NCOR1: variants seen among roughly 807,000 people sequenced by gnomAD.
The protein encoded by NCOR1 is nuclear receptor corepressor 1.
Under a neutral mutation model 288.1 loss-of-function variants are expected in NCOR1, and 63 were observed. That is an observed-to-expected ratio of 0.22 (90% confidence interval 0.18 to 0.27). The LOEUF (loss-of-function observed/expected upper bound fraction) is 0.27. Among genes scored for constraint, NCOR1 ranks in the 10% least tolerant of loss-of-function variants. The probability of loss-of-function intolerance (pLI) is 1.00; values close to 1 mark genes in which losing one functional copy is unlikely to be tolerated. For missense variants in NCOR1, 2,397 were observed against 3,019.2 expected, an observed-to-expected ratio of 0.79 and a Z score of 4.83; for synonymous variants, 1,007 against 1,065.9, an observed-to-expected ratio of 0.94 and a Z score of 1.08.
chr17:16,177,671 C>T (rs1032474880), intron 3 of NCOR1, among the ~76,000 whole-genome samples: 1 of 152,142 alleles, frequency 6.6e-6, no homozygotes, highest in South Asian at 2.1e-4. Context: ...GACTCTGGCC[C>T]CCTCTACCAG....
At chr17:16,126,319 A>G in intron 14 of NCOR1, 113 bp from the exon 15 acceptor site, 1 of 1,076,594 alleles carries the variant, frequency 9.3e-7, no homozygotes, top group Admixed American at 2.8e-5. Context: ...AGTCATTTAC[A>G]ATGTAACTGG....
intron 42 of NCOR1, among the ~76,000 whole-genome samples, chr17:16,043,067 G>A (rs1484629944): frequency 6.6e-6 from 1 of 152,110 alleles, no homozygotes; most frequent in Non-Finnish European, 1.5e-5. Context: ...AGACAGAAGT[G>A]GCCAGAGAAG....
intron 1 of NCOR1, 119 bp from the exon 2 acceptor site, chr17:16,194,758 A>G (rs547708980): frequency 2.9e-4 from 113 of 396,128 alleles, no homozygotes; most frequent in African/African-American, 2.0e-3. Context: ...GCTTCCTCTC[A>G]TGTATTTACT....
chr17:16,142,080 G>A (rs1458134521), intron 11 of NCOR1, among the ~76,000 whole-genome samples: 1 of 152,124 alleles, frequency 6.6e-6, no homozygotes, highest in Non-Finnish European at 1.5e-5. Flanking sequence ...AACCAAAGAT[G>A]TAGTTAGTCC....
At chr17:16,160,760 C>A (rs1309865939) in intron 5 of NCOR1, among the ~76,000 whole-genome samples, 1 of 152,074 alleles carries the variant, frequency 6.6e-6, no homozygotes, top group Non-Finnish European at 1.5e-5. Flanking sequence ...CCATTGCACT[C>A]CAGCCTGGGC....
chr17:16,091,887 T>C lies in NCOR1; in HGVS notation c.2992A>G (p.Lys998Glu), dbSNP rs1423056715. 6.2e-7 allele frequency: 1 copy of C among 1,614,192 alleles called. No individual in the cohort carries two copies. Among genetic ancestry groups the C allele is most frequent in the Non-Finnish European group, 8.5e-7 (1 of 1,180,032 alleles). ...RSSTSPCGTS[K>E]SPNREWEVLQ... ...CCTTCCCACTCTCTGTTTGGACTCTTGGATGTGCCACATGGACTTGTAGAA... is the reference window on the plus strand; with the variant it reads ...CCTTCCCACTCTCTGTTTGGACTCTCGGATGTGCCACATGGACTTGTAGAA... Residue 998 changes from lysine (K) to glutamate (E), a missense_variant, in exon 22 of 46, where the codon AAG becomes GAG. Physicochemically the swap from Lys to Glu is moderately conservative, Grantham distance 56. Coordinates refer to ENST00000268712, the MANE Select transcript of NCOR1 (RefSeq NM_006311.4).
chr17:16,101,922 G>GAAGTATTTACA (rs2067691447), intron 19 of NCOR1, 165 bp from the exon 20 acceptor site: 1 of 867,670 alleles, frequency 1.2e-6, no homozygotes, highest in African/African-American at 1.7e-5. Flanking sequence ...TGACCTCATT[G>GAAGTATTTACA]AAGTATTTAC....
intron 14 of NCOR1, among the ~76,000 whole-genome samples, chr17:16,132,901 C>T (rs1225715882): frequency 6.6e-6 from 1 of 150,526 alleles, no homozygotes; most frequent in African/African-American, 2.4e-5. Flanking sequence ...TCCCTCCTTC[C>T]TTCCCTCCCT....
intron 3 of NCOR1, among the ~76,000 whole-genome samples, chr17:16,182,521 C>T (rs2085697275): frequency 6.6e-6 from 1 of 152,198 alleles, no homozygotes. Context: ...GTGGCACAAT[C>T]TTGGCTCACT....
intron 1 of NCOR1, among the ~76,000 whole-genome samples, chr17:16,199,204 GA>G (rs71353779): frequency 0.013 from 1,292 of 99,834 alleles, 24 homozygotes; most frequent in African/African-American, 0.044. Flanking sequence ...AATACAGAAG[GA>G]AAAAAAAAAA....
chr17:16,090,642 C>T (rs1306096078), intron 22 of NCOR1, among the ~76,000 whole-genome samples: 4 of 152,114 alleles, frequency 2.6e-5, no homozygotes, highest in Admixed American at 2.6e-4. Context: ...ATTCATTTAG[C>T]GCCTTTTATA....
intron 28 of NCOR1, among the ~76,000 whole-genome samples, chr17:16,073,082 A>G (rs2061955719): frequency 6.6e-6 from 1 of 152,268 alleles, no homozygotes; most frequent in African/African-American, 2.4e-5. Context: ...CAATTCAAAA[A>G]GAAGTTCTCA....
intron 18 of NCOR1, among the ~76,000 whole-genome samples, chr17:16,111,331 G>A (rs1483331234): frequency 1.3e-5 from 2 of 152,184 alleles, no homozygotes; most frequent in Non-Finnish European, 2.9e-5. Context: ...GCCAGACCCA[G>A]TGGCTCAGAC....
At chr17:16,164,499 A>G (rs574396313) in intron 5 of NCOR1, among the ~76,000 whole-genome samples, 12 of 152,314 alleles carry the variant, frequency 7.9e-5, no homozygotes, top group South Asian at 2.1e-4. Flanking sequence ...CACAGAGAAG[A>G]CTATTTCATA....
chr17:16,088,090 A>G (rs1259542708), intron 22 of NCOR1, among the ~76,000 whole-genome samples: 5 of 151,484 alleles, frequency 3.3e-5, no homozygotes, highest in Admixed American at 3.3e-4. Context: ...GTCTGTCAGA[A>G]TAAATTCCCA....
chr17:16,116,162 T>C (rs557076147), intron 18 of NCOR1, among the ~76,000 whole-genome samples: 2 of 152,264 alleles, frequency 1.3e-5, no homozygotes, highest in African/African-American at 4.8e-5. Context: ...GAGAATAGCA[T>C]GAGAAAAAGG....
intron 1 of NCOR1, among the ~76,000 whole-genome samples, chr17:16,207,717 G>A (rs943032250): frequency 2.7e-5 from 4 of 149,136 alleles, no homozygotes; most frequent in African/African-American, 9.9e-5. Context: ...CTCCAGCCTG[G>A]GTGAGAGCGA....
At chr17:16,075,508 C>G (rs748595252) in intron 27 of NCOR1, 26 bp downstream of exon 27, 9 of 1,607,086 alleles carry the variant, frequency 5.6e-6, no homozygotes, top group Non-Finnish European at 7.7e-6. Flanking sequence ...GTAATACTGG[C>G]TTTGGTGCAT....
At chr17:16,136,404 C>T (rs1429369574) in intron 14 of NCOR1, among the ~76,000 whole-genome samples, 2 of 152,158 alleles carry the variant, frequency 1.3e-5, no homozygotes, top group Non-Finnish European at 2.9e-5. Context: ...GTTGCCTAGG[C>T]TGGTCTTGAA....
Sources: gnomAD v4.1 joint callset for allele counts (sites outside exome capture counted in the v4.1 genomes callset) on GRCh38, gnomAD v4.1.1 for gene constraint, MANE v1.5 for transcripts, NCBI Gene and HGNC (gene_info 2026-07-23, HGNC 2026-07-21) for gene names.